Variants in CHST8 observed in about 807,000 individuals in gnomAD.
The protein encoded by CHST8 is GALNAC-4-ST1.
In CHST8, 10 loss-of-function variants were observed where a neutral mutation model predicts 15.0. The ratio of observed to expected loss-of-function variants is 0.67; its 90% CI spans 0.41 to 1.13. The LOEUF (loss-of-function observed/expected upper bound fraction) is 1.13. Among genes scored for constraint, CHST8 ranks in the 50% most tolerant of loss-of-function variants. The pLI, the probability that CHST8 is intolerant of heterozygous loss-of-function variation, is 0.00. For synonymous variants in CHST8, 259 were observed against 256.6 expected (o/e 1.01, Z -0.09); for missense variants, 634 against 608.2 (o/e 1.04, Z -0.45).
intron 3 of CHST8, among the ~76,000 whole-genome samples, chr19:33,690,200 A>G (rs1973073302): frequency 6.6e-6 from 1 of 152,180 alleles, no homozygotes; most frequent in Admixed American, 6.5e-5. Context: ...ACACACTCAC[A>G]GTCCACATGC....
intron 1 of CHST8, among the ~76,000 whole-genome samples, chr19:33,631,800 C>T (rs12609720): frequency 0.47 from 71,636 of 151,960 alleles, 17,958 homozygotes; most frequent in Middle Eastern, 0.59. Context: ...CTCTAGGTTG[C>T]GGCTGAAGCT....
chr19:33,719,502 T>C (rs1973736984), intron 3 of CHST8, among the ~76,000 whole-genome samples: 1 of 150,444 alleles, frequency 6.6e-6, no homozygotes, highest in South Asian at 2.1e-4. Context: ...GGATGGGGAG[T>C]TGCTGAAAAT....
intron 3 of CHST8, among the ~76,000 whole-genome samples, chr19:33,693,130 T>C (rs768170656): frequency 6.6e-5 from 10 of 151,376 alleles, no homozygotes; most frequent in Non-Finnish European, 1.3e-4. Context: ...CCTCAGCCTC[T>C]CGAGTAGCTG....
intron 3 of CHST8, among the ~76,000 whole-genome samples, chr19:33,742,194 G>A (rs1422068781): frequency 2.0e-5 from 3 of 152,180 alleles, no homozygotes; most frequent in Non-Finnish European, 4.4e-5. Context: ...ATGCCATGGG[G>A]TTCTTCTTGG....
At chr19:33,642,588 C>T (rs558141844) in intron 1 of CHST8, among the ~76,000 whole-genome samples, 129 of 152,302 alleles carry the variant, frequency 8.5e-4, no homozygotes, top group African/African-American at 2.8e-3. Flanking sequence ...GTCTTGAACT[C>T]CTGACCTCAA....
chr19:33,736,299 TG>T lies in CHST8; in HGVS notation c.131-35111del, dbSNP rs574202863. On this transcript the variant is annotated intron_variant, in intron 3 of 4. Transcript: ENST00000650847. Reference sequence around the variant, plus strand: ...ATTCTATACCAGCCTGGAGCCCACCTGGGCTCTCCCGGATGCTGCTAATCAG... The same window carrying T: ...ATTCTATACCAGCCTGGAGCCCACCTGGCTCTCCCGGATGCTGCTAATCAG... Among the ~76,000 whole-genome samples, 12 of 152,332 alleles carry T rather than the reference TG, an allele frequency of 7.9e-5. No individual in the cohort carries two copies. The East Asian group carries it at 2.1e-3, about 27-fold the overall frequency.
chr19:33,768,047 A>G (rs34945989), intron 3 of CHST8, among the ~76,000 whole-genome samples: 16,981 of 152,174 alleles, frequency 0.11, 1,108 homozygotes, highest in Admixed American at 0.15. Flanking sequence ...CTGAGCGCTG[A>G]TGGAGCTGTC....
chr19:33,750,783 T>C (rs1345122370), intron 3 of CHST8, among the ~76,000 whole-genome samples: 1 of 152,078 alleles, frequency 6.6e-6, no homozygotes, highest in Non-Finnish European at 1.5e-5. Flanking sequence ...GAAGAGGCAG[T>C]GGTGGGCCCT....
At chr19:33,688,935 C>G (rs898397354) in intron 2 of CHST8, among the ~76,000 whole-genome samples, 2 of 152,132 alleles carry the variant, frequency 1.3e-5, no homozygotes, top group South Asian at 2.1e-4. Context: ...GTGTCTCATT[C>G]CATGATTTGT....
intron 3 of CHST8, among the ~76,000 whole-genome samples, chr19:33,720,322 T>C (rs1478138867): frequency 6.7e-6 from 1 of 150,194 alleles, no homozygotes; most frequent in African/African-American, 2.5e-5. Context: ...ATATACACAC[T>C]GCACACACAC....
rs567464583 is a variant in CHST8, at chr19:33,641,892, T to A, written c.-164+19596T>A. 3.3e-5 allele frequency among the ~76,000 whole-genome samples: 5 copies of A among 152,352 alleles called. No individual in the cohort carries two copies. The East Asian group carries it at 9.7e-4, about 29-fold the overall frequency. ...TTTTTATATGAAATCGCTTCCCCTC[T>A]GAAGTCTGGAGACTAATTCAGAATT... On this transcript the variant is annotated intron_variant, in intron 1 of 4. Coordinates refer to ENST00000650847, the MANE Select transcript of CHST8 (RefSeq NM_001127895.2).
intron 3 of CHST8, among the ~76,000 whole-genome samples, chr19:33,700,375 C>A (rs773986900): frequency 3.9e-5 from 6 of 152,176 alleles, no homozygotes; most frequent in Non-Finnish European, 7.3e-5. Flanking sequence ...CTCTCAGAAC[C>A]CAGTGTTTCT....
intron 3 of CHST8, among the ~76,000 whole-genome samples, chr19:33,767,619 A>G (rs1284581680): frequency 1.3e-5 from 2 of 152,368 alleles, no homozygotes; most frequent in African/African-American, 4.8e-5. Flanking sequence ...CACGCATGTC[A>G]TCTGTCCAGA....
chr19:33,736,999 G>C (rs1360014396), intron 3 of CHST8, among the ~76,000 whole-genome samples: 3 of 152,116 alleles, frequency 2.0e-5, no homozygotes, highest in African/African-American at 7.2e-5. Flanking sequence ...TAATACATTA[G>C]CATGCTAAAA....
intron 3 of CHST8, among the ~76,000 whole-genome samples, chr19:33,751,463 C>T (rs1974419362): frequency 6.6e-6 from 1 of 152,254 alleles, no homozygotes. Context: ...CACCTTCTGC[C>T]CTCAAGCAGC....
chr19:33,716,254 C>T (rs1335600496), intron 3 of CHST8, among the ~76,000 whole-genome samples: 1 of 152,162 alleles, frequency 6.6e-6, no homozygotes, highest in Non-Finnish European at 1.5e-5. Flanking sequence ...CCTCTGATGT[C>T]ATCTTTTTCT....
chr19:33,705,267 TG>T (rs1973425086), intron 3 of CHST8, among the ~76,000 whole-genome samples: 1 of 152,192 alleles, frequency 6.6e-6, no homozygotes, highest in Non-Finnish European at 1.5e-5. Context: ...GAGCATCTCC[TG>T]GGCTCCGCTG....
intron 3 of CHST8, among the ~76,000 whole-genome samples, chr19:33,766,695 T>C (rs1300947660): frequency 6.6e-6 from 1 of 152,170 alleles, no homozygotes. Flanking sequence ...AGGACCAAGA[T>C]GCAGTCGGGA....
rs138928564 is a variant in CHST8, at chr19:33,641,861, G to A, written c.-164+19565G>A. Among the ~76,000 whole-genome samples, 690 of 152,280 alleles carry A rather than the reference G, an allele frequency of 4.5e-3. 5 individuals are homozygous for A. The highest frequency in any genetic ancestry group is 0.015 in the African/African-American group (637 of 41,542). ...AGGTATTCACATATTCAAGAACACA[G>A]GTCCATTTTTATATGAAATCGCTTC... On this transcript the variant is annotated intron_variant, in intron 1 of 4. Coordinates refer to ENST00000650847, the MANE Select transcript of CHST8 (RefSeq NM_001127895.2).
Sources: allele counts gnomAD v4.1 joint callset (sites outside exome capture counted in the v4.1 genomes callset), GRCh38; gene constraint gnomAD v4.1.1; transcripts MANE v1.5; gene names NCBI Gene and HGNC (gene_info 2026-07-23, HGNC 2026-07-21).